The following PACRG variants were observed in gnomAD, a reference collection of about 807,000 sequenced individuals.
PACRG encodes parkin coregulated gene protein.
Under a neutral mutation model 29.7 loss-of-function variants are expected in PACRG, and 29 were observed. The ratio of observed to expected loss-of-function variants is 0.98; its 90% confidence interval spans 0.73 to 1.33. The LOEUF is 1.33. PACRG is among the 40% of genes most tolerant of loss of function. PACRG has a pLI of 0.00. For missense variants in PACRG, 279 were observed against 316.2 expected, an observed-to-expected ratio of 0.88 and a Z score of 0.89; for synonymous variants, 116 against 118.7, an observed-to-expected ratio of 0.98 and a Z score of 0.15.
intron 4 of PACRG, among the ~76,000 whole-genome samples, chr6:163,199,584 C>T (rs9456841): frequency 0.37 from 56,526 of 151,998 alleles, 11,164 homozygotes; most frequent in African/African-American, 0.5. Flanking sequence ...GGCAGTGCAG[C>T]CCAGGAGGCC....
intron 1 of PACRG, among the ~76,000 whole-genome samples, chr6:162,736,183 A>G (rs1780150867): frequency 6.6e-6 from 1 of 152,248 alleles, no homozygotes; most frequent in Non-Finnish European, 1.5e-5. Context: ...GCAACATACC[A>G]TATCTACATT....
intron 1 of PACRG, among the ~76,000 whole-genome samples, chr6:162,787,420 C>CAT (rs946066680): frequency 4.0e-5 from 6 of 150,054 alleles, no homozygotes; most frequent in African/African-American, 7.3e-5. Flanking sequence ...TATGTGTAGG[C>CAT]ATATATATAT....
intron 4 of PACRG, among the ~76,000 whole-genome samples, chr6:163,146,102 A>G (rs1777793038): frequency 6.6e-6 from 1 of 152,096 alleles, no homozygotes; most frequent in African/African-American, 2.4e-5. Flanking sequence ...TTGAAGTTCA[A>G]AAAGCCTTAT....
rs138827465 is a variant in PACRG, at chr6:162,863,601, A to G, written c.291+49320A>G. Among the ~76,000 whole-genome samples, 216 of 152,340 alleles carry G rather than the reference A, an allele frequency of 1.4e-3. 2 individuals are homozygous for G. The highest frequency in any genetic ancestry group is 4.8e-3 in the African/African-American group (199 of 41,578). ...AACCCAAGTTTAAACTTGAAACCAC[A>G]TTTGTGCAATAAGCAAAAGCTTCAC... is the stretch of plus-strand genomic sequence containing the variant. On this transcript the variant is annotated intron_variant, in intron 2 of 4. Transcript: ENST00000366888.
At chr6:162,892,947 A>C (rs1342474021) in intron 2 of PACRG, among the ~76,000 whole-genome samples, 1 of 105,966 alleles carries the variant, frequency 9.4e-6, no homozygotes, top group Non-Finnish European at 2.0e-5. Context: ...CACCCCAGAG[A>C]AGAACCACCT....
intron 1 of PACRG, among the ~76,000 whole-genome samples, chr6:162,781,542 A>G (rs1484530811): frequency 6.6e-6 from 1 of 151,914 alleles, no homozygotes; most frequent in Non-Finnish European, 1.5e-5. Flanking sequence ...AAATTAATCT[A>G]CTGTTTAGAT....
chr6:163,262,877 C>CG (rs999827812), intron 4 of PACRG, among the ~76,000 whole-genome samples: 15 of 143,238 alleles, frequency 1.0e-4, no homozygotes, highest in Non-Finnish European at 1.5e-4. Context: ...CCCCCCCCCC[C>CG]ATGTCAACTA....
In PACRG at chr6:163,130,181, G is replaced by A. The variant is rs796718788; in HGVS notation, c.613+40773G>A. 3.3e-5 allele frequency among the ~76,000 whole-genome samples: 5 copies of A among 152,204 alleles called. No individual in the cohort carries two copies. The South Asian group carries it at 1.0e-3, about 31-fold the overall frequency. On this transcript the variant is annotated intron_variant, in intron 4 of 4. Coordinates refer to ENST00000366888, the MANE Select transcript of PACRG (RefSeq NM_001080379.2). ...ACCACAAAGCCGCTTAGTCCTATGTGTGCCTTGACTATGTGTATCCCACTG... is the reference window on the plus strand; with the variant it reads ...ACCACAAAGCCGCTTAGTCCTATGTATGCCTTGACTATGTGTATCCCACTG...
At chr6:162,921,364 AGAAG>A (rs1797052148) in intron 2 of PACRG, among the ~76,000 whole-genome samples, 1 of 152,172 alleles carries the variant, frequency 6.6e-6, no homozygotes, top group East Asian at 1.9e-4. Flanking sequence ...GGTCAGTGTA[AGAAG>A]GAAGTCAGTA....
intron 3 of PACRG, among the ~76,000 whole-genome samples, chr6:163,079,956 G>A (rs1320823683): frequency 1.5e-5 from 2 of 135,434 alleles, no homozygotes; most frequent in Non-Finnish European, 3.0e-5. Flanking sequence ...GGAGTGCAGT[G>A]GCGCGGTCTC....
intron 4 of PACRG, among the ~76,000 whole-genome samples, chr6:163,187,268 G>T (rs186081128): frequency 2.3e-3 from 357 of 152,000 alleles, no homozygotes; most frequent in African/African-American, 8.2e-3. Context: ...TGATCTGTTC[G>T]CGGCCTCTGC....
chr6:163,283,575 T>C (rs1210569139), intron 4 of PACRG, among the ~76,000 whole-genome samples: 24 of 146,842 alleles, frequency 1.6e-4, no homozygotes, highest in Non-Finnish European at 3.5e-4. Flanking sequence ...CCGAGGCGGG[T>C]GGATCATGAG....
At chr6:163,088,217 T>C (rs1024570195) in intron 3 of PACRG, among the ~76,000 whole-genome samples, 1 of 152,184 alleles carries the variant, frequency 6.6e-6, no homozygotes, top group African/African-American at 2.4e-5. Flanking sequence ...CCTGGGTCCT[T>C]TTGTCCCTTC....
rs183442481 is a variant in PACRG at position 163,006,081 on chromosome 6, T to C, written c.292-56069T>C. ...TAACATATATATAACTATATATGGG[T>C]TTTGTTTATATATATAATATATAAT... On this transcript the variant is annotated intron_variant, in intron 2 of 4. Transcript: ENST00000366888. Among the ~76,000 whole-genome samples the C allele has an allele frequency of 6.6e-3, 945 of 143,234 alleles. 15 individuals are homozygous for C. Among genetic ancestry groups the C allele is most frequent in the African/African-American group, 0.023 (890 of 39,228 alleles). 94.0% of individuals were successfully genotyped at this position (143,234 alleles called of 152,430 possible).
In PACRG at chr6:163,035,524, G is replaced by A. The variant is rs1203745841; in HGVS notation, c.292-26626G>A. On this transcript the variant is annotated intron_variant, in intron 2 of 4. Coordinates refer to ENST00000366888, the MANE Select transcript of PACRG (RefSeq NM_001080379.2). ...TAGCCAGGTACGGTGGCAGGTGCCT[G>A]TAATCCAGCTACTTGGGAGGCTGAG... 2.0e-5 allele frequency among the ~76,000 whole-genome samples: 3 copies of A among 152,246 alleles called. No individual in the cohort carries two copies. The East Asian group carries it at 5.8e-4, about 29-fold the overall frequency.
intron 4 of PACRG, among the ~76,000 whole-genome samples, chr6:163,145,256 T>C (rs949735636): frequency 1.3e-5 from 2 of 152,210 alleles, no homozygotes; most frequent in Non-Finnish European, 2.9e-5. Context: ...GTTGTATATT[T>C]CTTTTCACAG....
intron 2 of PACRG, among the ~76,000 whole-genome samples, chr6:162,868,704 C>G (rs9365502): frequency 0.16 from 24,073 of 152,112 alleles, 2,253 homozygotes; most frequent in East Asian, 0.33. Context: ...GAGGAGAATA[C>G]GCAACTCCTT....
rs1213986700 is a variant in PACRG at position 163,055,921 on chromosome 6, T to A, written c.292-6229T>A. ...GTCTATTCCGAACGTTTCATAGAAA[T>A]GGAATCGTACAGTATGTGGTCTTTT... On this transcript the variant is annotated intron_variant, in intron 2 of 4. Transcript: ENST00000366888. This position sits in a 1 kb window ranked among gnomAD's most constrained non-coding sequence, Gnocchi z 4.0. 6.6e-6 allele frequency among the ~76,000 whole-genome samples: 1 copy of A among 152,194 alleles called. No homozygotes were observed. The highest frequency in any genetic ancestry group is 1.5e-5 in the Non-Finnish European group (1 of 68,034).
At chr6:163,129,139 C>T (rs1371221653) in intron 4 of PACRG, among the ~76,000 whole-genome samples, 1 of 152,166 alleles carries the variant, frequency 6.6e-6, no homozygotes, top group African/African-American at 2.4e-5. Flanking sequence ...AGTAGAGCTT[C>T]CTAGGCCCCA....
Sources: allele counts gnomAD v4.1 joint callset (sites outside exome capture counted in the v4.1 genomes callset), GRCh38; gene constraint gnomAD v4.1.1; non-coding constraint Gnocchi (gnomAD v3.1); transcripts MANE v1.5; gene names NCBI Gene and HGNC (gene_info 2026-07-23, HGNC 2026-07-21).